Variants in KCND2 observed in about 807,000 individuals in gnomAD.
KCND2 encodes potassium voltage-gated channel subfamily D member 2, also known as A-type voltage-gated potassium channel KCND2.
In KCND2, 16 loss-of-function variants were observed where a neutral mutation model predicts 54.4. The observed-to-expected ratio is 0.29, with a 90% CI of 0.20 to 0.45. The LOEUF (loss-of-function observed/expected upper bound fraction) is 0.45, where lower values mean the gene tolerates loss of function less well. Ranked by LOEUF, KCND2 falls within the 20% of genes least tolerant of loss-of-function variation. KCND2 has a pLI of 1.00. For missense variants in KCND2, 486 were observed against 824.2 expected (o/e 0.59, Z 5.02); for synonymous variants, 317 against 310.7 (o/e 1.02, Z -0.21).
chr7:120,321,369 A>G (rs574223007), intron 1 of KCND2, among the ~76,000 whole-genome samples: 1 of 152,070 alleles, frequency 6.6e-6, no homozygotes, highest in Non-Finnish European at 1.5e-5. Context: ...CCTGACCTTA[A>G]GCAATCCTCC....
chr7:120,411,533 T>C (rs1801448547), intron 1 of KCND2, among the ~76,000 whole-genome samples: 1 of 151,726 alleles, frequency 6.6e-6, no homozygotes, highest in South Asian at 2.1e-4. Context: ...GAGAGCCTGA[T>C]ATCAGGGCAC....
At chr7:120,547,622 G>T (rs1792058177) in intron 1 of KCND2, among the ~76,000 whole-genome samples, 1 of 151,976 alleles carries the variant, frequency 6.6e-6, no homozygotes, top group Admixed American at 6.6e-5. Context: ...TCAGCCTGAG[G>T]ATGTGAATAA....
At chr7:120,298,727 A>T (rs1230677714) in intron 1 of KCND2, among the ~76,000 whole-genome samples, 1 of 152,242 alleles carries the variant, frequency 6.6e-6, no homozygotes, top group African/African-American at 2.4e-5. Flanking sequence ...AAAACTACAC[A>T]GAGAATTAAA....
At chr7:120,280,621 A>G (rs1009101173) in intron 1 of KCND2, among the ~76,000 whole-genome samples, 1 of 152,060 alleles carries the variant, frequency 6.6e-6, no homozygotes, top group Non-Finnish European at 1.5e-5. Context: ...CAAATTTCTT[A>G]TTACCTGATC....
At chr7:120,521,190 T>C (rs537873283) in intron 1 of KCND2, among the ~76,000 whole-genome samples, 1 of 152,128 alleles carries the variant, frequency 6.6e-6, no homozygotes. Flanking sequence ...ATACTATAAA[T>C]GTAGTGAGAG....
chr7:120,631,646 C>A (rs1292009205), intron 1 of KCND2, among the ~76,000 whole-genome samples: 1 of 152,034 alleles, frequency 6.6e-6, no homozygotes, highest in Non-Finnish European at 1.5e-5. Flanking sequence ...CAGAAAGGAA[C>A]AACTGTCATT....
chr7:120,500,266 A>G (rs1423435513), intron 1 of KCND2, among the ~76,000 whole-genome samples: 1 of 152,204 alleles, frequency 6.6e-6, no homozygotes, highest in East Asian at 1.9e-4. Flanking sequence ...AATTTCAGAA[A>G]GGAAAGGCAG....
At chr7:120,689,124 A>G (rs2116600580) in intron 1 of KCND2, among the ~76,000 whole-genome samples, 1 of 152,276 alleles carries the variant, frequency 6.6e-6, no homozygotes, top group African/African-American at 2.4e-5. Flanking sequence ...CTTATGAGAA[A>G]CAGGAGTGTG....
intron 1 of KCND2, among the ~76,000 whole-genome samples, chr7:120,454,052 C>T (rs1419993525): frequency 6.6e-6 from 1 of 152,146 alleles, no homozygotes; most frequent in Non-Finnish European, 1.5e-5. Flanking sequence ...CCACTGCACT[C>T]CAGCCTGGGT....
At chr7:120,714,416 T>A (rs1202390981) in intron 1 of KCND2, among the ~76,000 whole-genome samples, 2 of 152,132 alleles carry the variant, frequency 1.3e-5, no homozygotes, top group African/African-American at 4.8e-5. Context: ...CAACTATAAT[T>A]TGTAGATTAC....
intron 1 of KCND2, among the ~76,000 whole-genome samples, chr7:120,450,735 A>C (rs1004933160): frequency 3.9e-5 from 6 of 152,224 alleles, no homozygotes; most frequent in African/African-American, 1.4e-4. Flanking sequence ...TAGGCTTTAG[A>C]TCTTGTTTGG....
chr7:120,285,896 G>A (rs1799334400), intron 1 of KCND2, among the ~76,000 whole-genome samples: 2 of 151,712 alleles, frequency 1.3e-5, no homozygotes, highest in Non-Finnish European at 3.0e-5. Flanking sequence ...TTTAGGGTTG[G>A]CATGGTCCTA....
At chr7:120,311,948 A>G (rs1240462540) in intron 1 of KCND2, among the ~76,000 whole-genome samples, 1 of 152,096 alleles carries the variant, frequency 6.6e-6, no homozygotes, top group East Asian at 1.9e-4. Flanking sequence ...CTTGTTCCCT[A>G]GACTGGAGTG....
intron 1 of KCND2, among the ~76,000 whole-genome samples, chr7:120,662,887 G>C (rs1217455599): frequency 6.6e-6 from 1 of 152,154 alleles, no homozygotes; most frequent in Non-Finnish European, 1.5e-5. Flanking sequence ...CCAGCACATT[G>C]GTTGATTCAT....
At chr7:120,406,520 C>T (rs866552138) in intron 1 of KCND2, among the ~76,000 whole-genome samples, 11 of 152,066 alleles carry the variant, frequency 7.2e-5, no homozygotes, top group Middle Eastern at 3.4e-3. Context: ...AAAAGCAAAA[C>T]ACATGCACAC....
intron 1 of KCND2, among the ~76,000 whole-genome samples, chr7:120,570,286 A>G (rs1203818601): frequency 6.6e-6 from 1 of 152,138 alleles, no homozygotes; most frequent in Non-Finnish European, 1.5e-5. Flanking sequence ...CGGGTGAAGG[A>G]TGAAATATTA....
At chr7:120,476,749 A>G (rs1802539615) in intron 1 of KCND2, among the ~76,000 whole-genome samples, 1 of 152,204 alleles carries the variant, frequency 6.6e-6, no homozygotes, top group African/African-American at 2.4e-5. Flanking sequence ...TCTTTCCAAA[A>G]GAGATTTGTG....
intron 1 of KCND2, among the ~76,000 whole-genome samples, chr7:120,541,603 A>C (rs753997419): frequency 2.0e-5 from 3 of 152,102 alleles, no homozygotes; most frequent in Non-Finnish European, 2.9e-5. Flanking sequence ...TCCAAGCACA[A>C]AAGGTCCTTC....
At chr7:120,661,659 AAAG>A (rs1299019725) in intron 1 of KCND2, among the ~76,000 whole-genome samples, 5 of 145,492 alleles carry the variant, frequency 3.4e-5, no homozygotes, top group African/African-American at 5.4e-5. Context: ...CAAAAAAAAA[AAAG>A]AAAGAAAGGA....
Sources: gnomAD v4.1 joint callset for allele counts (sites outside exome capture counted in the v4.1 genomes callset) on GRCh38, gnomAD v4.1.1 for gene constraint, MANE v1.5 for transcripts, NCBI Gene and HGNC (gene_info 2026-07-23, HGNC 2026-07-21) for gene names.